CALN1: variants seen among roughly 807,000 people sequenced by gnomAD.
CALN1 encodes the protein calneuron 1.
In CALN1, 17 loss-of-function variants were observed where a neutral mutation model predicts 30.6. The observed-to-expected ratio is 0.56, with a 90% confidence interval of 0.38 to 0.83. The LOEUF is 0.83. Among genes scored for constraint, CALN1 ranks in the 40% least tolerant of loss-of-function variants. The pLI is 0.00. For missense variants in CALN1, 291 were observed against 354.9 expected (o/e 0.82, Z 1.45); for synonymous variants, 156 against 131.4 (o/e 1.19, Z -1.28).
the CALN1 span, among the ~76,000 whole-genome samples, chr7:72,491,241 C>A: frequency 2.1e-4 from 29 of 138,880 alleles, no homozygotes; most frequent in Admixed American, 7.2e-4. Context: ...AAAAAAAAAA[C>A]AAAAACAAAA....
chr7:72,092,625 TAAAAAAAAAAAAAAA>T (rs369445548), intron 4 of CALN1, among the ~76,000 whole-genome samples: 53 of 106,280 alleles, frequency 5.0e-4, no homozygotes, highest in Admixed American at 2.1e-4. Flanking sequence ...TGTATTCTAG[TAAAAAAAAAAAAAAA>T]AAAAAAAAAA....
chr7:72,381,472 G>A (rs1054556968), intron 2 of CALN1, among the ~76,000 whole-genome samples: 3 of 152,190 alleles, frequency 2.0e-5, no homozygotes, highest in Non-Finnish European at 2.9e-5. Context: ...TAAAGAAAAT[G>A]TGGCACATAT....
intron 1 of CALN1, among the ~76,000 whole-genome samples, chr7:72,410,943 G>T (rs1289122265): frequency 6.6e-6 from 1 of 151,204 alleles, no homozygotes; most frequent in African/African-American, 2.4e-5. Context: ...GGCATAAGAT[G>T]GGAAAAGAAA....
rs35582248 is a variant in CALN1 at position 71,870,381 on chromosome 7, TAAA to T, written c.502-59892_502-59890del. Reference sequence around the variant, plus strand: ...TGGGCAACAACAGAGAAACTCCATCTAAAAAAAAAAAAAATGAGTGCTCTAAAG... The same window carrying T: ...TGGGCAACAACAGAGAAACTCCATCTAAAAAAAAAAATGAGTGCTCTAAAG... On this transcript the variant is annotated intron_variant, in intron 5 of 6. Coordinates refer to ENST00000395275, the MANE Select transcript of CALN1 (RefSeq NM_031468.4). 9.9e-3 allele frequency among the ~76,000 whole-genome samples: 1,419 copies of T among 142,852 alleles called. 28 individuals carry two copies. Among genetic ancestry groups the T allele is most frequent in the African/African-American group, 0.034 (1,329 of 39,626 alleles). The allele number at this position is 142,852 out of a possible 152,430, so 93.7% of individuals were successfully genotyped here. A position where few individuals can be genotyped will look rare whatever the true frequency, so the allele number is the denominator to read the frequency against.
chr7:72,224,464 G>A (rs1793527807), intron 3 of CALN1, among the ~76,000 whole-genome samples: 1 of 152,124 alleles, frequency 6.6e-6, no homozygotes, highest in South Asian at 2.1e-4. Context: ...GTGAACTAAA[G>A]GAAGACCCAG....
At chr7:72,249,118 G>A (rs552100745) in intron 3 of CALN1, among the ~76,000 whole-genome samples, 38 of 152,230 alleles carry the variant, frequency 2.5e-4, no homozygotes, top group African/African-American at 8.4e-4. Context: ...GCAGAGTTCT[G>A]ACTGACCTGA....
Position 71,960,174 on chromosome 7 carries a change from TAAATAAATA to T in CALN1, c.501+63474_501+63482del, listed in dbSNP as rs1017049622. ...ATAAATAAATAAATAAATAAATAAATAAATAAATAAAATAAAATAAAAAAATAAAATAAA... is the reference window on the plus strand; with the variant it reads ...ATAAATAAATAAATAAATAAATAAATAAATAAAATAAAAAAATAAAATAAA... On this transcript the variant is annotated intron_variant, in intron 5 of 6. Coordinates refer to ENST00000395275, the MANE Select transcript of CALN1 (RefSeq NM_031468.4). Among the ~76,000 whole-genome samples the T allele has an allele frequency of 2.6e-4, 29 of 111,416 alleles. No homozygotes were observed. In the East Asian group the frequency reaches 3.1e-3, roughly 12 times the overall value. The allele number at this position is 111,416 out of a possible 152,430, so 73.1% of individuals were successfully genotyped here. A position where few individuals can be genotyped will look rare whatever the true frequency, so the allele number is the denominator to read the frequency against.
At chr7:72,422,934 G>C (rs1242520614) in intron 1 of CALN1, among the ~76,000 whole-genome samples, 1 of 152,052 alleles carries the variant, frequency 6.6e-6, no homozygotes, top group Non-Finnish European at 1.5e-5. Flanking sequence ...TTTGAGACCA[G>C]CCTGGCCAAC....
intron 3 of CALN1, among the ~76,000 whole-genome samples, chr7:72,134,866 G>C (rs1230229068): frequency 6.6e-6 from 1 of 152,182 alleles, no homozygotes; most frequent in Non-Finnish European, 1.5e-5. Flanking sequence ...TTCAGAATTG[G>C]AGTCAATCCT....
intron 1 of CALN1, among the ~76,000 whole-genome samples, chr7:72,404,889 G>A (rs71551262): frequency 6.6e-6 from 1 of 152,200 alleles, no homozygotes; most frequent in Non-Finnish European, 1.5e-5. Flanking sequence ...AAATGAAAGA[G>A]GCTCAGCCCA....
intron 2 of CALN1, among the ~76,000 whole-genome samples, chr7:72,397,460 T>TCC (rs950921069): frequency 9.9e-5 from 15 of 152,162 alleles, no homozygotes; most frequent in African/African-American, 3.6e-4. Flanking sequence ...CTCATTCATC[T>TCC]CCCCAGTATG....
At chr7:72,360,614 T>G (rs1169839016) in intron 2 of CALN1, among the ~76,000 whole-genome samples, 1 of 150,076 alleles carries the variant, frequency 6.7e-6, no homozygotes, top group Admixed American at 6.6e-5. Context: ...CTATTTTTTT[T>G]TTATTATACT....
intron 5 of CALN1, among the ~76,000 whole-genome samples, chr7:71,960,212 A>G (rs1797179883): frequency 6.6e-6 from 1 of 151,918 alleles, no homozygotes; most frequent in African/African-American, 2.4e-5. Context: ...AAATAAAAGC[A>G]TATTTAGAGG....
At chr7:72,373,467 C>G (rs1804369219) in intron 2 of CALN1, among the ~76,000 whole-genome samples, 1 of 152,176 alleles carries the variant, frequency 6.6e-6, no homozygotes, top group African/African-American at 2.4e-5. Flanking sequence ...AGAAACCATA[C>G]TTTCAGTACC....
intron 3 of CALN1, among the ~76,000 whole-genome samples, chr7:72,113,826 C>T (rs1022511141): frequency 6.6e-6 from 1 of 152,072 alleles, no homozygotes; most frequent in Non-Finnish European, 1.5e-5. Context: ...ACAGGGAGCT[C>T]CCAGTGGTTT....
chr7:71,825,473 C>T (rs1788855784), intron 5 of CALN1, among the ~76,000 whole-genome samples: 1 of 152,118 alleles, frequency 6.6e-6, no homozygotes, highest in African/African-American at 2.4e-5. Flanking sequence ...TCATGTTCTT[C>T]TAATGAAGAC....
intron 2 of CALN1, among the ~76,000 whole-genome samples, chr7:72,365,198 G>C (rs556306239): frequency 6.6e-6 from 1 of 152,044 alleles, no homozygotes; most frequent in Non-Finnish European, 1.5e-5. Flanking sequence ...CCACCTACTC[G>C]GGAGGCTGAG....
rs62459267 is a variant in CALN1 at position 72,298,610 on chromosome 7, A to G, written c.120-19800T>C. Among the ~76,000 whole-genome samples, 848 of 152,202 alleles carry G rather than the reference A, an allele frequency of 5.6e-3. 2 individuals are homozygous for G. The highest frequency in any genetic ancestry group is 8.8e-3 in the Non-Finnish European group (599 of 68,012). On this transcript the variant is annotated intron_variant, in intron 2 of 6. Transcript: ENST00000395275. ...CTGTAAAGCCTCTTGCCCATTATCT[A>G]TTAGTCTAGTTGAAGCAAATTAATA... is the stretch of plus-strand genomic sequence containing the variant.
intron 2 of CALN1, among the ~76,000 whole-genome samples, chr7:72,299,724 G>A (rs1310685836): frequency 3.0e-5 from 4 of 132,472 alleles, no homozygotes; most frequent in Non-Finnish European, 6.2e-5. Context: ...AAGAGAGACT[G>A]AGGTCCTGCT....
Sources: allele counts gnomAD v4.1 joint callset (sites outside exome capture counted in the v4.1 genomes callset), GRCh38; gene constraint gnomAD v4.1.1; transcripts MANE v1.5; gene names NCBI Gene and HGNC (gene_info 2026-07-23, HGNC 2026-07-21).